The following COL12A1 variants were observed in gnomAD, a reference collection of about 807,000 sequenced individuals.
COL12A1 encodes collagen alpha-1(XII) chain.
In COL12A1, 114 loss-of-function variants were observed where a neutral mutation model predicts 349.7. That is an observed-to-expected ratio of 0.33 (90% CI 0.28 to 0.38). COL12A1 has a LOEUF of 0.38. Ranked by LOEUF, COL12A1 falls within the 10% of genes least tolerant of loss-of-function variation. COL12A1 has a pLI of 1.00. For missense variants in COL12A1, 3,284 were observed against 3,756.9 expected, an observed-to-expected ratio of 0.87 and a Z score of 3.29; for synonymous variants, 1,369 against 1,329.0, an observed-to-expected ratio of 1.03 and a Z score of -0.66.
chr6:75,128,349 A>G lies in COL12A1; in HGVS notation c.6287T>C (p.Ile2096Thr). ...ACCATCTCCATCTTCATAAACAGCA[A>G]TAACAGTAATTTTATATGGAGTGTC... Reference protein sequence around the residue: ...QPDTPYKITVIAVYEDGDGGH... With the variant: ...QPDTPYKITVTAVYEDGDGGH... Residue 2096 changes from isoleucine (I) to threonine (T), a missense_variant, in exon 38 of 66, where the codon ATT becomes ACT. Ile to Thr is a moderately conservative substitution (Grantham distance 89, BLOSUM62 -1). Coordinates refer to ENST00000322507, the MANE Select transcript of COL12A1 (RefSeq NM_004370.6). 1.2e-6 allele frequency: 2 copies of G among 1,609,860 alleles called. No homozygotes were observed. Among genetic ancestry groups the G allele is most frequent in the East Asian group, 2.2e-5 (1 of 44,664 alleles).
chr6:75,120,167 A>G (rs1769285378), intron 44 of COL12A1, among the ~76,000 whole-genome samples: 2 of 152,328 alleles, frequency 1.3e-5, no homozygotes, highest in African/African-American at 4.8e-5. Context: ...AGAAATACAA[A>G]TTCCTAAAAG....
At chr6:75,153,367 C>T (rs1024544497) in intron 17 of COL12A1, among the ~76,000 whole-genome samples, 1 of 152,062 alleles carries the variant, frequency 6.6e-6, no homozygotes, top group African/African-American at 2.4e-5. Context: ...AAATATAAGT[C>T]AGTTAATATC....
chr6:75,157,743 G>A (rs1241853308), intron 14 of COL12A1, among the ~76,000 whole-genome samples: 1 of 152,032 alleles, frequency 6.6e-6, no homozygotes, highest in African/African-American at 2.4e-5. Flanking sequence ...TTCAACCTAG[G>A]ATAATCAGTG....
intron 3 of COL12A1, among the ~76,000 whole-genome samples, 173 bp downstream of exon 3, chr6:75,194,658 T>C (rs547457890): frequency 5.3e-5 from 8 of 152,166 alleles, no homozygotes; most frequent in Non-Finnish European, 8.8e-5. Flanking sequence ...AATATAATAG[T>C]GGACACTAGA....
intron 49 of COL12A1, among the ~76,000 whole-genome samples, chr6:75,115,403 C>T (rs1209488280): frequency 1.3e-5 from 2 of 152,000 alleles, no homozygotes; most frequent in Non-Finnish European, 2.9e-5. Context: ...TTCTAGAGGT[C>T]GGAAACACTA....
chr6:75,157,849 C>T (rs1294335851), intron 14 of COL12A1, among the ~76,000 whole-genome samples: 1 of 152,042 alleles, frequency 6.6e-6, no homozygotes, highest in African/African-American at 2.4e-5. Context: ...TAGAAATGTT[C>T]CCCCTACCCA....
intron 2 of COL12A1, among the ~76,000 whole-genome samples, chr6:75,197,968 G>A (rs965905959): frequency 6.6e-6 from 1 of 152,104 alleles, no homozygotes; most frequent in African/African-American, 2.4e-5. Flanking sequence ...GCAGAGAGCT[G>A]GTTACTGTGT....
chr6:75,103,847 GA>G, intron 54 of COL12A1, 37 bp from the exon 55 acceptor site: 1 of 1,513,812 alleles, frequency 6.6e-7, no homozygotes, highest in Non-Finnish European at 9.0e-7. Flanking sequence ...GTGAACATAG[GA>G]AAATAGGAGG....
chr6:75,139,434 ATAGT>A (rs1430305065), intron 27 of COL12A1, among the ~76,000 whole-genome samples: 3 of 152,362 alleles, frequency 2.0e-5, no homozygotes, highest in African/African-American at 7.2e-5. Context: ...GCTCAAGGAA[ATAGT>A]TATTCATTTA....
At chr6:75,122,656 C>T (rs967767849) in intron 43 of COL12A1, among the ~76,000 whole-genome samples, 16 of 152,152 alleles carry the variant, frequency 1.1e-4, no homozygotes, top group African/African-American at 3.4e-4. Context: ...ATAGGTTTAA[C>T]GAAGTTGTAA....
At chr6:75,200,177 T>C (rs1278112529) in intron 2 of COL12A1, among the ~76,000 whole-genome samples, 1 of 152,152 alleles carries the variant, frequency 6.6e-6, no homozygotes, top group Non-Finnish European at 1.5e-5. Context: ...TGGCCCCAAA[T>C]TTTGTTAGCC....
In COL12A1 at chr6:75,086,501, T is replaced by A; in HGVS notation, c.*46A>T. The A allele has an allele frequency of 6.3e-7, 1 of 1,580,166 alleles. No homozygotes were observed. ...GCGCAAACATCTCAGAAACAGGATT[T>A]TCATGTATTCAAACTGTAAGCAGCA... On this transcript the variant is annotated 3_prime_UTR_variant, in exon 66 of 66. Transcript: ENST00000322507.
intron 39 of COL12A1, 55 bp downstream of exon 39, chr6:75,126,296 T>C: frequency 6.4e-7 from 1 of 1,569,484 alleles, no homozygotes; most frequent in Admixed American, 1.7e-5. Context: ...GAAAATACCC[T>C]CATATGCAAA....
chr6:75,199,212 G>T lies in COL12A1; in HGVS notation c.73+3508C>A, dbSNP rs980023208. Among the ~76,000 whole-genome samples the T allele has an allele frequency of 1.6e-4, 25 of 152,148 alleles. 2 individuals are homozygous for T. The highest frequency in any genetic ancestry group is 1.5e-5 in the Non-Finnish European group (1 of 68,024). ...ACTAACCTAGGACTAGAAGACTGGGGTCTTGTCTGTTTTTCATATCTAAGT... is the reference window on the plus strand; with the variant it reads ...ACTAACCTAGGACTAGAAGACTGGGTTCTTGTCTGTTTTTCATATCTAAGT... On this transcript the variant is annotated intron_variant, in intron 2 of 65. Transcript: ENST00000322507.
chr6:75,194,727 G>T, intron 3 of COL12A1, 104 bp downstream of exon 3: 1 of 665,302 alleles, frequency 1.5e-6, no homozygotes, highest in Non-Finnish European at 2.5e-6. Context: ...AATCCCTCAG[G>T]CTTCCTAAAG....
At chr6:75,124,446 T>G in intron 40 of COL12A1, 75 bp from the exon 41 acceptor site, 1 of 1,085,808 alleles carries the variant, frequency 9.2e-7, no homozygotes, top group Non-Finnish European at 1.3e-6. Flanking sequence ...TAACACAATT[T>G]TCAAACTTTC....
At position 75,183,724 on chromosome 6, in the gene COL12A1, T is replaced by C. The variant is rs1448596729; in HGVS notation, c.1289-72A>G. On this transcript the variant is annotated intron_variant, in intron 9 of 65. Transcript: ENST00000322507. ...TTAAAATATACATATCTAGCTTTCT[T>C]AGTAAGCGTGCTTCTTTAAAAAAAA... 1.7e-5 allele frequency: 26 copies of C among 1,506,070 alleles called. 1 individual carries two copies. In the East Asian group the frequency reaches 3.2e-4, roughly 19 times the overall value. The allele number at this position is 1,506,070 out of a possible 1,614,324, so 93.3% of individuals were successfully genotyped here. A position where few individuals can be genotyped will look rare whatever the true frequency, so the allele number is the denominator to read the frequency against.
chr6:75,126,481 A>T lies in COL12A1; in HGVS notation c.6341-11T>A, dbSNP rs753045810. 1 of 1,607,302 alleles carries T rather than the reference A, an allele frequency of 6.2e-7. No individual in the cohort carries two copies. On this transcript the variant is annotated splice_polypyrimidine_tract_variant and intron_variant, in intron 38 of 65. Coordinates refer to ENST00000322507, the MANE Select transcript of COL12A1 (RefSeq NM_004370.6). ...GAGGAAGGAGTCCCACTGAAAACAA[A>T]CATTGACACACATTACTGACCTTTT...
Position 75,175,228 on chromosome 6 carries a change from T to G in COL12A1, c.2520A>C (p.Lys840Asn). Residue 840 changes from lysine (K) to asparagine (N), a missense_variant, in exon 13 of 66, where the codon AAA (lysine) becomes AAC (asparagine). This residue lies in a region of COL12A1 where 2,601 missense variants were observed against 2,824.8 expected (regional missense o/e 0.92). Coordinates refer to ENST00000322507, the MANE Select transcript of COL12A1 (RefSeq NM_004370.6). ...MKLSWSGAPG[K>N]VKQYLVTYTP... ...TATATGTGACGAGATACTGTTTCAC[T>G]TTTCCTGGTGCCCCACTCCAAGATA... is the stretch of plus-strand genomic sequence containing the variant. The G allele has an allele frequency of 6.2e-7, 1 of 1,614,198 alleles. No homozygotes were observed. The highest frequency in any genetic ancestry group is 2.2e-5 in the East Asian group (1 of 44,884).
Sources: gnomAD v4.1 joint callset for allele counts (sites outside exome capture counted in the v4.1 genomes callset) on GRCh38, gnomAD v4.1.1 for gene constraint, gnomAD v4.1.1 regional missense constraint, MANE v1.5 for transcripts, NCBI Gene and HGNC (gene_info 2026-07-23, HGNC 2026-07-21) for gene names.